The following ERGIC1 variants were observed in gnomAD, a reference collection of about 807,000 sequenced individuals.
ERGIC1 encodes the protein endoplasmic reticulum-golgi intermediate compartment 1.
Under a neutral mutation model 38.3 loss-of-function variants are expected in ERGIC1, and 19 were observed. The observed-to-expected ratio is 0.50, with a 90% CI of 0.35 to 0.73. ERGIC1 has a LOEUF of 0.73. ERGIC1 is among the 30% of genes least tolerant of loss of function. The pLI is 0.01. For synonymous variants in ERGIC1, 124 were observed against 157.6 expected, an observed-to-expected ratio of 0.79 and a Z score of 1.60; for missense variants, 294 against 389.2, an observed-to-expected ratio of 0.76 and a Z score of 2.06.
At chr5:172,893,943 A>G (rs1450473413) in intron 2 of ERGIC1, among the ~76,000 whole-genome samples, 61 of 43,672 alleles carry the variant, frequency 1.4e-3, no homozygotes, top group Non-Finnish European at 2.1e-3. Context: ...GTGTATATAT[A>G]TATATATATA....
intron 1 of ERGIC1, among the ~76,000 whole-genome samples, chr5:172,849,732 G>A (rs1490433406): frequency 6.6e-6 from 1 of 152,210 alleles, no homozygotes; most frequent in Admixed American, 6.5e-5. Flanking sequence ...GACAGCAGCT[G>A]TGGGTCTCCT....
chr5:172,948,126 C>T (rs1295522766), intron 9 of ERGIC1, among the ~76,000 whole-genome samples: 3 of 152,102 alleles, frequency 2.0e-5, no homozygotes, highest in East Asian at 1.9e-4. Context: ...AAACACTTCA[C>T]CATAATCCCC....
chr5:172,913,288 C>T (rs553923205), intron 4 of ERGIC1, among the ~76,000 whole-genome samples: 17 of 152,396 alleles, frequency 1.1e-4, no homozygotes, highest in African/African-American at 2.2e-4. Context: ...AGTTGAATTG[C>T]TTCCAGTTGC....
At chr5:172,848,818 T>C (rs1018660339) in intron 1 of ERGIC1, among the ~76,000 whole-genome samples, 1 of 152,196 alleles carries the variant, frequency 6.6e-6, no homozygotes, top group Non-Finnish European at 1.5e-5. Flanking sequence ...TATCCCTTTG[T>C]GTTTGGAAAA....
chr5:172,915,527 C>T (rs990811115), intron 5 of ERGIC1: 16 of 466,752 alleles, frequency 3.4e-5, no homozygotes, highest in Middle Eastern at 3.2e-4. Context: ...GAACCAGGAG[C>T]TTCAGATCCT....
In ERGIC1 at chr5:172,935,583, G is replaced by A. The variant is rs1054817657; in HGVS notation, c.765+273G>A. 9.9e-6 allele frequency: 4 copies of A among 403,008 alleles called. No homozygotes were observed. In the South Asian group the frequency reaches 1.8e-4, roughly 18 times the overall value. The allele number at this position is 403,008 out of a possible 1,614,324, so 25.0% of individuals were successfully genotyped here. On this transcript the variant is annotated intron_variant, in intron 9 of 9. Transcript: ENST00000393784. ...AATTCCTGAAGCAAATCTCCATATG[G>A]TTCCACTAGATGTTTAGGATTTTCT...
chr5:172,904,463 G>A (rs1234627055), intron 3 of ERGIC1, among the ~76,000 whole-genome samples: 1 of 152,224 alleles, frequency 6.6e-6, no homozygotes, highest in Non-Finnish European at 1.5e-5. Context: ...AGGTCTCCCA[G>A]CTCCTAAGTG....
chr5:172,840,877 G>A (rs1761141979), intron 1 of ERGIC1, among the ~76,000 whole-genome samples: 1 of 152,150 alleles, frequency 6.6e-6, no homozygotes, highest in Non-Finnish European at 1.5e-5. Flanking sequence ...TAAAGCCCTG[G>A]TCTGTATGAT....
intron 1 of ERGIC1, among the ~76,000 whole-genome samples, chr5:172,884,996 C>G (rs539146536): frequency 6.9e-4 from 105 of 152,282 alleles, no homozygotes; most frequent in African/African-American, 2.3e-3. Context: ...ATGTAACAAT[C>G]TCCTATCTCT....
chr5:172,897,551 G>A (rs1446724567), intron 3 of ERGIC1, among the ~76,000 whole-genome samples: 1 of 152,182 alleles, frequency 6.6e-6, no homozygotes, highest in Non-Finnish European at 1.5e-5. Context: ...GGACTTTAAA[G>A]TGAGAGCAAA....
intron 1 of ERGIC1, among the ~76,000 whole-genome samples, chr5:172,886,901 G>T (rs1420781037): frequency 6.6e-6 from 1 of 152,174 alleles, no homozygotes; most frequent in Non-Finnish European, 1.5e-5. Context: ...TAAGGGATAT[G>T]AGTAAATATG....
At chr5:172,909,792 C>T in intron 4 of ERGIC1, 31 bp downstream of exon 4, 2 of 1,584,286 alleles carry the variant, frequency 1.3e-6, no homozygotes, top group African/African-American at 2.7e-5. Context: ...CTCCCTCCAG[C>T]AGGACACCTC....
At chr5:172,923,914 G>T in intron 5 of ERGIC1, 91 bp from the exon 6 acceptor site, 1 of 1,145,654 alleles carries the variant, frequency 8.7e-7, no homozygotes, top group Non-Finnish European at 1.3e-6. Flanking sequence ...CCTGATTCCA[G>T]TGTCCTCCCT....
chr5:172,866,377 C>T (rs574975763), intron 1 of ERGIC1, among the ~76,000 whole-genome samples: 5 of 152,302 alleles, frequency 3.3e-5, no homozygotes, highest in Admixed American at 1.3e-4. Flanking sequence ...GGGAATGCAC[C>T]GTGCCCCTCT....
chr5:172,909,583 A>G, intron 3 of ERGIC1, 84 bp from the exon 4 acceptor site: 1 of 1,288,480 alleles, frequency 7.8e-7, no homozygotes, highest in Non-Finnish European at 1.1e-6. Flanking sequence ...GTGGTCACCA[A>G]GTGAAGTGAT....
At chr5:172,885,706 T>TCCCGCTGCCTCGCTA (rs1762400592) in intron 1 of ERGIC1, among the ~76,000 whole-genome samples, 1 of 151,760 alleles carries the variant, frequency 6.6e-6, no homozygotes, top group South Asian at 2.1e-4. Context: ...TGCAGCCCTT[T>TCCCGCTGCCTCGCTA]CCTGCTGCTC....
At chr5:172,845,046 G>C (rs1316429403) in intron 1 of ERGIC1, among the ~76,000 whole-genome samples, 4 of 151,794 alleles carry the variant, frequency 2.6e-5, no homozygotes, top group Non-Finnish European at 5.9e-5. Context: ...GGGTATATAG[G>C]GGGGACAGGA....
At chr5:172,835,877 G>A (rs1761022357) in intron 1 of ERGIC1, among the ~76,000 whole-genome samples, 1 of 152,182 alleles carries the variant, frequency 6.6e-6, no homozygotes, top group Admixed American at 6.5e-5. Context: ...CCCCTCTGGT[G>A]GAATTCAAGG....
intron 1 of ERGIC1, among the ~76,000 whole-genome samples, chr5:172,843,626 G>C (rs900084422): frequency 6.6e-6 from 1 of 152,242 alleles, no homozygotes; most frequent in Non-Finnish European, 1.5e-5. Flanking sequence ...GGGGAAAGTG[G>C]TATGTAGCGG....
Sources: allele counts gnomAD v4.1 joint callset (sites outside exome capture counted in the v4.1 genomes callset), GRCh38; gene constraint gnomAD v4.1.1; transcripts MANE v1.5; gene names NCBI Gene and HGNC (gene_info 2026-07-23, HGNC 2026-07-21).